Variants in TMEM132D observed in about 807,000 individuals in gnomAD.
TMEM132D encodes transmembrane protein 132D, also known as mature OL transmembrane protein.
In TMEM132D, 21 loss-of-function variants were observed where a neutral mutation model predicts 62.3. That is an observed-to-expected ratio of 0.34 (90% CI 0.24 to 0.49). TMEM132D has a LOEUF of 0.49. Ranked by LOEUF, TMEM132D falls within the 20% of genes least tolerant of loss-of-function variation. The pLI, the probability that TMEM132D is intolerant of heterozygous loss-of-function variation, is 0.99. For missense variants in TMEM132D, 1,346 were observed against 1,402.8 expected (o/e 0.96, Z 0.65); for synonymous variants, 621 against 575.6 (o/e 1.08, Z -1.13).
chr12:129,292,467 C>G (rs1462915721), intron 4 of TMEM132D, among the ~76,000 whole-genome samples: 1 of 152,140 alleles, frequency 6.6e-6, no homozygotes, highest in African/African-American at 2.4e-5. Context: ...TTGATCCATC[C>G]TTTATGGAGA....
rs555102527 is a variant in TMEM132D, at chr12:129,811,634, AGAAAGTTACC to A, written c.79+91617_79+91626del. On this transcript the variant is annotated intron_variant, in intron 1 of 8. Coordinates refer to ENST00000422113, the MANE Select transcript of TMEM132D (RefSeq NM_133448.3). Reference sequence around the variant, plus strand: ...GGCAAGATGGACTTCGCAAATATGAAGAAAGTTACCGAAGAGCTGAACTTAAAATAGGGCG... The same window carrying A: ...GGCAAGATGGACTTCGCAAATATGAAGAAGAGCTGAACTTAAAATAGGGCG... Among the ~76,000 whole-genome samples, 280 of 151,922 alleles carry A rather than the reference AGAAAGTTACC, an allele frequency of 1.8e-3. 4 individuals are homozygous for A. Among genetic ancestry groups the A allele is most frequent in the Admixed American group, 4.2e-3 (64 of 15,264 alleles).
At chr12:129,678,252 G>A (rs1055538542) in intron 2 of TMEM132D, among the ~76,000 whole-genome samples, 3 of 152,046 alleles carry the variant, frequency 2.0e-5, no homozygotes, top group African/African-American at 7.2e-5. Context: ...TGTACCATTT[G>A]TTTCTCCTAC....
chr12:129,429,565 C>T (rs1012057107), intron 3 of TMEM132D, among the ~76,000 whole-genome samples: 3 of 149,976 alleles, frequency 2.0e-5, no homozygotes, highest in Non-Finnish European at 4.4e-5. Context: ...TGTGCCACCA[C>T]ACCCAGCTAA....
chr12:129,327,775 G>A (rs1278628365), intron 4 of TMEM132D, among the ~76,000 whole-genome samples: 1 of 152,078 alleles, frequency 6.6e-6, no homozygotes. Flanking sequence ...TTTCCATTGT[G>A]GATCTCTCCC....
At chr12:129,482,943 A>C (rs1052872398) in intron 3 of TMEM132D, among the ~76,000 whole-genome samples, 3 of 95,092 alleles carry the variant, frequency 3.2e-5, no homozygotes, top group Admixed American at 1.4e-4. Context: ...AACATATTTA[A>C]TCTGTGTGTG....
rs140762080 is a variant in TMEM132D at position 129,074,683 on chromosome 12, G to A, written c.2492C>T (p.Ser831Leu). 13,282 of 1,614,090 alleles carry A rather than the reference G, an allele frequency of 8.2e-3. 88 individuals are homozygous for A. The highest frequency in any genetic ancestry group is 0.054 in the Middle Eastern group (325 of 6,062). The change falls in exon 9 of 9, where the codon TCG becomes TTG. Residue 831 changes from serine (S) to leucine (L), a missense_variant. Ser to Leu is a moderately radical substitution (Grantham distance 145). Transcript: ENST00000422113. ...TCCTTCCTGACTCCCCCATTCCTGC[G>A]AGGGTTTTTTGGGCCTTCTGTCACT... is the stretch of plus-strand genomic sequence containing the variant. Reference protein sequence around the residue: ...NVSDRRPKKPSQEWGSQEGQY... With the variant: ...NVSDRRPKKPLQEWGSQEGQY...
chr12:129,094,930 G>A (rs1875051100), intron 5 of TMEM132D, among the ~76,000 whole-genome samples: 1 of 147,898 alleles, frequency 6.8e-6, no homozygotes, highest in Non-Finnish European at 1.5e-5. Flanking sequence ...ACTATCGCAA[G>A]GACAAAAAAC....
At chr12:129,214,209 T>A (rs1328804193) in intron 4 of TMEM132D, among the ~76,000 whole-genome samples, 2 of 152,198 alleles carry the variant, frequency 1.3e-5, no homozygotes, top group Non-Finnish European at 2.9e-5. Flanking sequence ...TGCTACAACA[T>A]CACTGAAGTA....
intron 1 of TMEM132D, among the ~76,000 whole-genome samples, chr12:129,739,878 T>C (rs1178025585): frequency 1.3e-5 from 2 of 152,220 alleles, no homozygotes; most frequent in African/African-American, 2.4e-5. Flanking sequence ...TCTCTGGCAC[T>C]ACTGTGCTCG....
intron 5 of TMEM132D, among the ~76,000 whole-genome samples, chr12:129,130,438 G>A (rs1876342356): frequency 1.3e-5 from 2 of 152,112 alleles, no homozygotes; most frequent in African/African-American, 2.4e-5. Flanking sequence ...CCCTTCTGCT[G>A]TGGAGGAACC....
chr12:129,880,346 A>T (rs368460893), intron 1 of TMEM132D, among the ~76,000 whole-genome samples: 1 of 152,336 alleles, frequency 6.6e-6, no homozygotes, highest in African/African-American at 2.4e-5. Context: ...CAGACTTCTG[A>T]TATAAGATAT....
chr12:129,761,501 C>G (rs2137275395), intron 1 of TMEM132D, among the ~76,000 whole-genome samples: 1 of 152,314 alleles, frequency 6.6e-6, no homozygotes, highest in South Asian at 2.1e-4. Context: ...GAGGGCCTCT[C>G]AAGACACAAG....
intron 1 of TMEM132D, among the ~76,000 whole-genome samples, chr12:129,829,527 C>A (rs1207775780): frequency 6.6e-6 from 1 of 152,186 alleles, no homozygotes; most frequent in Non-Finnish European, 1.5e-5. Context: ...GTCACCCAAA[C>A]TCAGGGCCTC....
chr12:129,517,242 A>G (rs1875708965), intron 3 of TMEM132D, among the ~76,000 whole-genome samples: 1 of 152,202 alleles, frequency 6.6e-6, no homozygotes, highest in Middle Eastern at 3.2e-3. Context: ...TTCAAGATCC[A>G]TCAAATGGTG....
intron 8 of TMEM132D, among the ~76,000 whole-genome samples, chr12:129,076,090 A>ACTCTCT (rs145321381): frequency 2.0e-5 from 3 of 151,552 alleles, no homozygotes; most frequent in African/African-American, 4.8e-5. Flanking sequence ...AGCCAGCATT[A>ACTCTCT]CTCTCTCTCT....
chr12:129,771,680 G>A (rs567752453), intron 1 of TMEM132D, among the ~76,000 whole-genome samples: 1 of 152,304 alleles, frequency 6.6e-6, no homozygotes, highest in African/African-American at 2.4e-5. Flanking sequence ...GCGATCCAAT[G>A]CACTTGGCAT....
chr12:129,644,926 C>T (rs982283875), intron 2 of TMEM132D, among the ~76,000 whole-genome samples: 1 of 140,232 alleles, frequency 7.1e-6, no homozygotes, highest in Non-Finnish European at 1.5e-5. Context: ...GCGGAGCTTG[C>T]AGTGAGCCGA....
At chr12:129,332,707 A>G (rs78949593) in intron 4 of TMEM132D, among the ~76,000 whole-genome samples, 1,612 of 152,346 alleles carry the variant, frequency 0.011, 32 homozygotes, top group African/African-American at 0.037. Context: ...CTACATACAA[A>G]TTACACAAAC....
intron 4 of TMEM132D, among the ~76,000 whole-genome samples, chr12:129,264,760 T>C (rs1021718967): frequency 6.6e-6 from 1 of 152,222 alleles, no homozygotes; most frequent in Non-Finnish European, 1.5e-5. Context: ...TTAACAGCAT[T>C]TGCAGTGAGC....
Sources: allele counts gnomAD v4.1 joint callset (sites outside exome capture counted in the v4.1 genomes callset), GRCh38; gene constraint gnomAD v4.1.1; transcripts MANE v1.5; gene names NCBI Gene and HGNC (gene_info 2026-07-23, HGNC 2026-07-21).